Variants in PCDH15 observed in about 807,000 individuals in gnomAD.
The protein encoded by PCDH15 is protocadherin-15.
Under a neutral mutation model 178.5 loss-of-function variants are expected in PCDH15, and 129 were observed. That is an observed-to-expected ratio of 0.72 (90% CI 0.63 to 0.84). The LOEUF (loss-of-function observed/expected upper bound fraction) is 0.84, where lower values mean the gene tolerates loss of function less well. Ranked by LOEUF, PCDH15 falls within the 40% of genes least tolerant of loss-of-function variation. PCDH15 has a pLI of 0.00. For synonymous variants in PCDH15, 800 were observed against 732.0 expected, an observed-to-expected ratio of 1.09 and a Z score of -1.50; for missense variants, 2,230 against 2,099.9, an observed-to-expected ratio of 1.06 and a Z score of -1.21.
At chr10:54,988,516 C>T (rs1839425421) in intron 2 of PCDH15, among the ~76,000 whole-genome samples, 1 of 152,072 alleles carries the variant, frequency 6.6e-6, no homozygotes, top group Non-Finnish European at 1.5e-5. Context: ...CTGAGGTGGT[C>T]TCAGATGAAA....
rs184611622 is a variant in PCDH15 at position 54,768,599 on chromosome 10, T to C, written c.-29+32326A>G. Among the ~76,000 whole-genome samples, 13 of 152,182 alleles carry C rather than the reference T, an allele frequency of 8.5e-5. No individual in the cohort carries two copies. The East Asian group carries it at 2.5e-3, about 29-fold the overall frequency. Reference sequence around the variant, plus strand: ...GACCATTTTGAAAAATTGGAAAATATGAATGAAGAAGTGAAGGACACCCCA... The same window carrying C: ...GACCATTTTGAAAAATTGGAAAATACGAATGAAGAAGTGAAGGACACCCCA... On this transcript the variant is annotated intron_variant, in intron 1 of 37. Coordinates refer to ENST00000644397, the MANE Select transcript of PCDH15 (RefSeq NM_001384140.1).
chr10:54,055,667 T>TCC (rs1379110889), intron 18 of PCDH15, among the ~76,000 whole-genome samples: 1 of 151,896 alleles, frequency 6.6e-6, no homozygotes, highest in Non-Finnish European at 1.5e-5. Context: ...TCCACTTCCC[T>TCC]CCCCCCTCAA....
At chr10:53,903,451 CTTTT>C (rs1198227456) in intron 25 of PCDH15, 81 bp from the exon 26 acceptor site, 1 of 1,503,556 alleles carries the variant, frequency 6.7e-7, no homozygotes, top group Non-Finnish European at 9.1e-7. Flanking sequence ...ATTTGCTGCA[CTTTT>C]TTTTGGAAAC....
At chr10:54,790,360 A>G (rs1951288687) in intron 1 of PCDH15, among the ~76,000 whole-genome samples, 1 of 151,320 alleles carries the variant, frequency 6.6e-6, no homozygotes. Context: ...ATATACCTAT[A>G]TATGTAAAAA....
chr10:54,939,920 A>C (rs1838017618), intron 2 of PCDH15, among the ~76,000 whole-genome samples: 1 of 152,132 alleles, frequency 6.6e-6, no homozygotes, highest in Non-Finnish European at 1.5e-5. Flanking sequence ...CCCAGCTCTT[A>C]ATACCTACCA....
chr10:54,966,701 G>A (rs746941277), intron 2 of PCDH15, among the ~76,000 whole-genome samples: 1 of 152,050 alleles, frequency 6.6e-6, no homozygotes, highest in Non-Finnish European at 1.5e-5. Context: ...TAAGTCTCAT[G>A]AGATCTGATG....
chr10:55,443,241 T>C (rs1402110943), intron 2 of PCDH15, among the ~76,000 whole-genome samples: 2 of 152,134 alleles, frequency 1.3e-5, no homozygotes, highest in Admixed American at 1.3e-4. Context: ...AAAGACTTCA[T>C]GACTAAAGCA....
chr10:54,918,102 T>C (rs763857270), intron 2 of PCDH15, among the ~76,000 whole-genome samples: 8 of 150,608 alleles, frequency 5.3e-5, no homozygotes, highest in African/African-American at 1.3e-4. Flanking sequence ...ACAATAGCTA[T>C]GCAAAATGCA....
At chr10:54,774,444 T>A (rs1225476059) in intron 1 of PCDH15, among the ~76,000 whole-genome samples, 2 of 152,168 alleles carry the variant, frequency 1.3e-5, no homozygotes, top group Non-Finnish European at 1.5e-5. Flanking sequence ...ATGTATCTAC[T>A]ATATCTTGAA....
At chr10:55,303,921 C>A (rs936806815) in intron 1 of PCDH15, among the ~76,000 whole-genome samples, 1 of 152,086 alleles carries the variant, frequency 6.6e-6, no homozygotes, top group Admixed American at 6.6e-5. Flanking sequence ...TTCCTTCATT[C>A]TGTTGCATAG....
chr10:54,559,959 T>A (rs910253527), intron 2 of PCDH15, among the ~76,000 whole-genome samples: 1 of 151,636 alleles, frequency 6.6e-6, no homozygotes, highest in Admixed American at 6.6e-5. Context: ...AATAATACAG[T>A]GTGTCCCCTT....
chr10:54,052,540 C>T (rs925615810), intron 18 of PCDH15, among the ~76,000 whole-genome samples: 12 of 152,156 alleles, frequency 7.9e-5, no homozygotes, highest in East Asian at 1.9e-4. Flanking sequence ...GTTTATCCTA[C>T]GCCTGTACCC....
intron 5 of PCDH15, among the ~76,000 whole-genome samples, chr10:54,363,751 T>C (rs1437003826): frequency 6.6e-6 from 1 of 152,162 alleles, no homozygotes; most frequent in Non-Finnish European, 1.5e-5. Flanking sequence ...ATTATCCATA[T>C]CTCTACCAAA....
intron 1 of PCDH15, among the ~76,000 whole-genome samples, chr10:55,260,997 G>A (rs1842134477): frequency 6.6e-6 from 1 of 152,114 alleles, no homozygotes; most frequent in East Asian, 1.9e-4. Context: ...ATTGAATAGT[G>A]ATGCTTCTGG....
intron 2 of PCDH15, among the ~76,000 whole-genome samples, chr10:54,530,912 G>T (rs1481609158): frequency 6.6e-6 from 1 of 152,022 alleles, no homozygotes; most frequent in Non-Finnish European, 1.5e-5. Context: ...ATGCATTCAC[G>T]ACAGCATAAT....
intron 21 of PCDH15, 89 bp from the exon 22 acceptor site, chr10:53,961,981 G>T: frequency 9.1e-7 from 1 of 1,094,602 alleles, no homozygotes; most frequent in African/African-American, 1.6e-5. Flanking sequence ...AAAATTCATG[G>T]TCTTTTAGAA....
In PCDH15 at chr10:54,038,073, G is replaced by A. The variant is rs142758101; in HGVS notation, c.2221-14876C>T. Among the ~76,000 whole-genome samples the A allele has an allele frequency of 7.2e-3, 1,089 of 151,988 alleles. 16 individuals carry two copies. The highest frequency in any genetic ancestry group is 0.025 in the African/African-American group (1,046 of 41,486). ...GAAGGAATAAGACAGTGAAAAAGAG[G>A]CTGTATTTGCTATATATCCACGTTT... On this transcript the variant is annotated intron_variant, in intron 18 of 37. Transcript: ENST00000644397.
chr10:55,359,247 C>T (rs1308288809), intron 2 of PCDH15, among the ~76,000 whole-genome samples: 1 of 151,228 alleles, frequency 6.6e-6, no homozygotes, highest in Non-Finnish European at 1.5e-5. Flanking sequence ...CACAAGTATA[C>T]TAAAATCCCC....
At chr10:54,442,981 A>C (rs1273490072) in intron 3 of PCDH15, among the ~76,000 whole-genome samples, 2 of 151,674 alleles carry the variant, frequency 1.3e-5, no homozygotes, top group African/African-American at 2.4e-5. Flanking sequence ...TACATTTTCT[A>C]GGATCTCAGC....
Sources: allele counts gnomAD v4.1 joint callset (sites outside exome capture counted in the v4.1 genomes callset), GRCh38; gene constraint gnomAD v4.1.1; transcripts MANE v1.5; gene names NCBI Gene and HGNC (gene_info 2026-07-23, HGNC 2026-07-21).